Variants in SPTSSA observed in about 807,000 individuals in gnomAD.
SPTSSA encodes small subunit of serine palmitoyltransferase A.
In SPTSSA, 8 loss-of-function variants were observed where a neutral mutation model predicts 9.1. That is an observed-to-expected ratio of 0.88 (90% CI 0.51 to 1.58). The LOEUF is 1.58. Ranked by LOEUF, SPTSSA falls within the 40% of genes most tolerant of loss-of-function variation. SPTSSA has a pLI of 0.00. For synonymous variants in SPTSSA, 42 were observed against 37.7 expected, an observed-to-expected ratio of 1.11 and a Z score of -0.41; for missense variants, 100 against 93.8, an observed-to-expected ratio of 1.07 and a Z score of -0.27.
At chr14:34,461,620 C>T (rs933454876) in intron 1 of SPTSSA, among the ~76,000 whole-genome samples, 2 of 152,200 alleles carry the variant, frequency 1.3e-5, no homozygotes, top group African/African-American at 2.4e-5. Flanking sequence ...CAGAACCTGG[C>T]TTAAAAGCTA....
rs189823154 is a variant in SPTSSA, at chr14:34,439,629, A to G, written c.113-4325T>C. Among the ~76,000 whole-genome samples the G allele has an allele frequency of 3.9e-5, 6 of 152,300 alleles. No homozygotes were observed. In the East Asian group the frequency reaches 1.2e-3, roughly 29 times the overall value. On this transcript the variant is annotated intron_variant, in intron 1 of 1. Coordinates refer to ENST00000298130, the MANE Select transcript of SPTSSA (RefSeq NM_138288.4). ...ATCCTACTTGCAGTCATATTACAAG[A>G]GTCTCAGAAAACAACATTATATATT... is the stretch of plus-strand genomic sequence containing the variant.
intron 1 of SPTSSA, among the ~76,000 whole-genome samples, chr14:34,461,532 C>T (rs1003042160): frequency 5.9e-5 from 9 of 152,320 alleles, no homozygotes; most frequent in South Asian, 2.1e-4. Context: ...ACTTTTAAAA[C>T]TCCCCAACTT....
chr14:34,441,657 ACT>A (rs142169829), intron 1 of SPTSSA, among the ~76,000 whole-genome samples: 4 of 142,218 alleles, frequency 2.8e-5, no homozygotes, highest in Admixed American at 7.1e-5. Context: ...CATACAGGGG[ACT>A]CTCTCTCTCT....
At position 34,433,079 on chromosome 14, in the gene SPTSSA, T is replaced by C. The variant is rs1566419754; in HGVS notation, c.*2122A>G. 2 of 152,206 alleles carry C rather than the reference T, an allele frequency of 1.3e-5. No individual in the cohort carries two copies. The highest frequency in any genetic ancestry group is 2.4e-5 in the African/African-American group (1 of 41,464). The allele number at this position is 152,206 out of a possible 1,614,324, so 9.4% of individuals were successfully genotyped here. The stretch of plus-strand genomic sequence containing the variant: ...ATTTACTAACAAATAGACCAGACAT[T>C]TGCATCAGACAGTGAGCATAAACTT... On this transcript the variant is annotated 3_prime_UTR_variant, in exon 2 of 2. Coordinates refer to ENST00000298130, the MANE Select transcript of SPTSSA (RefSeq NM_138288.4).
intron 1 of SPTSSA, among the ~76,000 whole-genome samples, chr14:34,437,869 T>G (rs1388463451): frequency 6.6e-6 from 1 of 152,124 alleles, no homozygotes; most frequent in Non-Finnish European, 1.5e-5. Flanking sequence ...TACACAATCA[T>G]AGTTCACCAC....
intron 1 of SPTSSA, among the ~76,000 whole-genome samples, chr14:34,441,230 G>A (rs1309148809): frequency 1.3e-5 from 2 of 152,168 alleles, no homozygotes; most frequent in South Asian, 2.1e-4. Context: ...AGGGTCTGGA[G>A]GCAGGGAACA....
chr14:34,458,232 A>G (rs1432482935), intron 1 of SPTSSA, among the ~76,000 whole-genome samples: 2 of 151,966 alleles, frequency 1.3e-5, no homozygotes, highest in Non-Finnish European at 2.9e-5. Flanking sequence ...ACAGGCTGTC[A>G]CCTAGGCTGG....
intron 1 of SPTSSA, among the ~76,000 whole-genome samples, chr14:34,450,410 A>C (rs1883498435): frequency 6.6e-6 from 1 of 152,162 alleles, no homozygotes; most frequent in Non-Finnish European, 1.5e-5. Context: ...CTTCTGTTTC[A>C]CATGTACACA....
intron 1 of SPTSSA, among the ~76,000 whole-genome samples, chr14:34,454,228 GT>G (rs1481454178): frequency 1.3e-5 from 2 of 152,152 alleles, no homozygotes; most frequent in Non-Finnish European, 2.9e-5. Flanking sequence ...TGCCATAAAT[GT>G]TACAACACTC....
At chr14:34,451,599 T>G (rs1883524885) in intron 1 of SPTSSA, among the ~76,000 whole-genome samples, 1 of 151,662 alleles carries the variant, frequency 6.6e-6, no homozygotes, top group Non-Finnish European at 1.5e-5. Flanking sequence ...GGCGGGCGCC[T>G]GTAGTCCCAG....
At chr14:34,457,984 AAAAAAAC>A (rs1878519815) in intron 1 of SPTSSA, among the ~76,000 whole-genome samples, 1 of 149,538 alleles carries the variant, frequency 6.7e-6, no homozygotes. Flanking sequence ...AAAAAAAAAA[AAAAAAAC>A]AAAGAAAAGA....
intron 1 of SPTSSA, among the ~76,000 whole-genome samples, chr14:34,440,648 G>A (rs376575898): frequency 1.3e-5 from 2 of 152,230 alleles, no homozygotes; most frequent in South Asian, 2.1e-4. Flanking sequence ...TTGGGAGGCC[G>A]AGGCGGGTGG....
In SPTSSA at chr14:34,433,970, A is replaced by G. The variant is rs1393356168; in HGVS notation, c.*1231T>C. On this transcript the variant is annotated 3_prime_UTR_variant, in exon 2 of 2. Coordinates refer to ENST00000298130, the MANE Select transcript of SPTSSA (RefSeq NM_138288.4). ...AGGGCAAGACTCCGTCTCAAAAAAA[A>G]AAAAACAAAAAAACAACCCAGCAAC... 6.6e-6 allele frequency: 1 copy of G among 151,550 alleles called. No homozygotes were observed. The highest frequency in any genetic ancestry group is 2.4e-5 in the African/African-American group (1 of 40,888). The allele number at this position is 151,550 out of a possible 1,614,324, so 9.4% of individuals were successfully genotyped here.
chr14:34,459,171 C>T (rs1282553174), intron 1 of SPTSSA, among the ~76,000 whole-genome samples: 4 of 152,074 alleles, frequency 2.6e-5, no homozygotes, highest in African/African-American at 9.7e-5. Flanking sequence ...GTGGCTCACA[C>T]CTGTAATCCC....
intron 1 of SPTSSA, among the ~76,000 whole-genome samples, chr14:34,436,150 T>C (rs969885039): frequency 1.3e-5 from 2 of 152,238 alleles, no homozygotes; most frequent in Admixed American, 6.5e-5. Flanking sequence ...TGACAGCAAC[T>C]GCTACTGCTA....
intron 1 of SPTSSA, among the ~76,000 whole-genome samples, chr14:34,448,864 G>T (rs1883469866): frequency 6.6e-6 from 1 of 151,538 alleles, no homozygotes; most frequent in South Asian, 2.1e-4. Context: ...GCTGGGCATG[G>T]TGGCACGCAC....
intron 1 of SPTSSA, 125 bp from the exon 2 acceptor site, chr14:34,435,429 C>G (rs1883224648): frequency 1.7e-6 from 1 of 581,592 alleles, no homozygotes; most frequent in African/African-American, 1.9e-5. Context: ...ATATCAAGCA[C>G]TGATAAAAAA....
In SPTSSA at chr14:34,442,287, ATCT is replaced by A. The variant is rs1164959049; in HGVS notation, c.113-6986_113-6984del. 1.6e-4 allele frequency among the ~76,000 whole-genome samples: 25 copies of A among 152,320 alleles called. No individual in the cohort carries two copies. In the East Asian group the frequency reaches 4.4e-3, roughly 27 times the overall value. ...CTCACCCATTTTTCAGGGGAATTAA[ATCT>A]TCTTTTCTTACACTAAATTTTTCCT... On this transcript the variant is annotated intron_variant, in intron 1 of 1. Coordinates refer to ENST00000298130, the MANE Select transcript of SPTSSA (RefSeq NM_138288.4).
intron 1 of SPTSSA, among the ~76,000 whole-genome samples, chr14:34,448,835 C>CA (rs1367472087): frequency 2.6e-5 from 4 of 151,602 alleles, no homozygotes; most frequent in African/African-American, 4.9e-5. Context: ...TCATTTTTTA[C>CA]AAAAAAATTA....
Sources: allele counts gnomAD v4.1 joint callset (sites outside exome capture counted in the v4.1 genomes callset), GRCh38; gene constraint gnomAD v4.1.1; transcripts MANE v1.5; gene names NCBI Gene and HGNC (gene_info 2026-07-23, HGNC 2026-07-21).